Variants in LRP1B observed in about 807,000 individuals in gnomAD.
LRP1B encodes the protein low-density lipoprotein receptor-related protein 1B.
LRP1B carries 217 observed loss-of-function variants against 556.6 expected under a neutral mutation model. The ratio of observed to expected loss-of-function variants is 0.39; its 90% CI spans 0.35 to 0.44. The LOEUF is 0.44. Ranked by LOEUF, LRP1B falls within the 20% of genes least tolerant of loss-of-function variation. LRP1B has a pLI of 1.00. For synonymous variants in LRP1B, 2,047 were observed against 1,865.8 expected (o/e 1.10, Z -2.50); for missense variants, 5,053 against 5,620.8 (o/e 0.90, Z 3.23).
intron 21 of LRP1B, among the ~76,000 whole-genome samples, chr2:140,921,187 C>T (rs528572718): frequency 1.1e-3 from 164 of 151,930 alleles, no homozygotes; most frequent in Non-Finnish European, 1.9e-3. Context: ...ATTTACATTA[C>T]TGTGAATCTC....
At chr2:142,129,431 G>C (rs1707768151) in intron 1 of LRP1B, among the ~76,000 whole-genome samples, 1 of 152,184 alleles carries the variant, frequency 6.6e-6, no homozygotes, top group Non-Finnish European at 1.5e-5. Flanking sequence ...AGGTTGAATA[G>C]AAACACTGCA....
chr2:141,316,402 A>G (rs1327162215), intron 3 of LRP1B, among the ~76,000 whole-genome samples: 1 of 152,190 alleles, frequency 6.6e-6, no homozygotes, highest in East Asian at 1.9e-4. Flanking sequence ...TTCTGCTCAG[A>G]GTTTTCAATA....
At chr2:140,910,000 T>C (rs561703477) in intron 21 of LRP1B, among the ~76,000 whole-genome samples, 1 of 151,222 alleles carries the variant, frequency 6.6e-6, no homozygotes, top group South Asian at 2.1e-4. Flanking sequence ...AATAATTTTC[T>C]CTTAAACAAT....
intron 41 of LRP1B, among the ~76,000 whole-genome samples, chr2:140,603,489 G>A (rs1240391566): frequency 6.6e-6 from 1 of 152,076 alleles, no homozygotes; most frequent in Non-Finnish European, 1.5e-5. Flanking sequence ...AATGAGAAAT[G>A]GCATAGCTCT....
chr2:141,745,410 C>T (rs570228911), intron 2 of LRP1B, among the ~76,000 whole-genome samples: 5 of 152,138 alleles, frequency 3.3e-5, no homozygotes, highest in Non-Finnish European at 7.4e-5. Context: ...GTCCTTCCTA[C>T]TCTTCCCTCC....
In LRP1B at chr2:141,979,668, G is replaced by A. The variant is rs1268401010; in HGVS notation, c.82+150980C>T. Reference sequence around the variant, plus strand: ...AATGTTCCCCTTTAAAATACATACTGAGAAATACAATGTTGATTTGTATTT... The same window carrying A: ...AATGTTCCCCTTTAAAATACATACTAAGAAATACAATGTTGATTTGTATTT... On this transcript the variant is annotated intron_variant, in intron 1 of 90. Transcript: ENST00000389484. 2.0e-5 allele frequency among the ~76,000 whole-genome samples: 3 copies of A among 151,806 alleles called. No homozygotes were observed. The East Asian group carries it at 5.8e-4, about 29-fold the overall frequency.
At chr2:140,422,725 T>A (rs746271673) in intron 66 of LRP1B, among the ~76,000 whole-genome samples, 7 of 152,256 alleles carry the variant, frequency 4.6e-5, no homozygotes, top group Middle Eastern at 3.4e-3. Context: ...TATCTAGACA[T>A]AAAAAGAGCA....
chr2:141,976,979 T>G (rs1701904366), intron 1 of LRP1B, among the ~76,000 whole-genome samples: 1 of 152,176 alleles, frequency 6.6e-6, no homozygotes, highest in Non-Finnish European at 1.5e-5. Flanking sequence ...TAATTACACT[T>G]TTTAAAAACA....
intron 1 of LRP1B, among the ~76,000 whole-genome samples, chr2:142,079,871 A>G (rs936774331): frequency 6.6e-6 from 1 of 152,058 alleles, no homozygotes; most frequent in Admixed American, 6.6e-5. Context: ...TTTACACAAC[A>G]TAGCTCTGAA....
intron 52 of LRP1B, among the ~76,000 whole-genome samples, chr2:140,507,587 G>T (rs957018485): frequency 6.6e-6 from 1 of 152,080 alleles, no homozygotes; most frequent in Non-Finnish European, 1.5e-5. Context: ...AAAAATGGTT[G>T]ATCCAAGTGA....
At chr2:141,243,608 A>G (rs1558956057) in intron 5 of LRP1B, among the ~76,000 whole-genome samples, 1 of 152,182 alleles carries the variant, frequency 6.6e-6, no homozygotes, top group Non-Finnish European at 1.5e-5. Flanking sequence ...CTATTCAACT[A>G]TGCATACTTA....
chr2:141,850,066 T>A (rs1243484653), intron 1 of LRP1B, among the ~76,000 whole-genome samples: 1 of 151,746 alleles, frequency 6.6e-6, no homozygotes, highest in African/African-American at 2.4e-5. Context: ...AGTTTATGTT[T>A]ACCACCTGGG....
chr2:140,415,006 G>A (rs1294602408), intron 66 of LRP1B, among the ~76,000 whole-genome samples: 1 of 152,236 alleles, frequency 6.6e-6, no homozygotes, highest in African/African-American at 2.4e-5. Flanking sequence ...GCATTCCTTG[G>A]GGGAAGTCTA....
chr2:140,540,643 T>G (rs1475405728), intron 45 of LRP1B, among the ~76,000 whole-genome samples: 5 of 152,134 alleles, frequency 3.3e-5, no homozygotes, highest in Non-Finnish European at 7.3e-5. Flanking sequence ...CTTCAATTAC[T>G]TTTGCTATTG....
At chr2:140,475,904 T>C (rs1442007025) in intron 59 of LRP1B, among the ~76,000 whole-genome samples, 1 of 152,006 alleles carries the variant, frequency 6.6e-6, no homozygotes, top group African/African-American at 2.4e-5. Flanking sequence ...TAACCATGTG[T>C]GTCTAGTGGT....
At chr2:141,177,261 T>C (rs1680778713) in intron 7 of LRP1B, among the ~76,000 whole-genome samples, 1 of 152,096 alleles carries the variant, frequency 6.6e-6, no homozygotes, top group African/African-American at 2.4e-5. Context: ...ATATGTGCAT[T>C]GGGCTCTAAT....
chr2:141,489,396 A>T (rs1445087703), intron 2 of LRP1B, among the ~76,000 whole-genome samples: 1 of 151,834 alleles, frequency 6.6e-6, no homozygotes, highest in Non-Finnish European at 1.5e-5. Context: ...ATTTTTATGT[A>T]GTTATTATAA....
intron 1 of LRP1B, among the ~76,000 whole-genome samples, chr2:141,844,583 C>A (rs938021684): frequency 6.6e-6 from 1 of 151,992 alleles, no homozygotes; most frequent in African/African-American, 2.4e-5. Context: ...AACGAGCAAA[C>A]TTGTTTATGT....
chr2:141,711,646 T>C (rs1692362202), intron 2 of LRP1B, among the ~76,000 whole-genome samples: 3 of 152,172 alleles, frequency 2.0e-5, no homozygotes, highest in Admixed American at 2.0e-4. Flanking sequence ...TTAATATAGA[T>C]GTTAAACTTA....
Sources: allele counts gnomAD v4.1 joint callset (sites outside exome capture counted in the v4.1 genomes callset), GRCh38; gene constraint gnomAD v4.1.1; transcripts MANE v1.5; gene names NCBI Gene and HGNC (gene_info 2026-07-23, HGNC 2026-07-21).